SLC38A8: variants seen among roughly 807,000 people sequenced by gnomAD.
SLC38A8 encodes the protein solute carrier family 38 member 8, also known as amino acid transporter SLC38A8.
A neutral mutation model predicts 46.0 loss-of-function variants in SLC38A8; 65 were observed. That is an observed-to-expected ratio of 1.41 (90% CI 1.16 to 1.74). SLC38A8 has a LOEUF of 1.74. SLC38A8 is among the 40% of genes most tolerant of loss of function. The probability of loss-of-function intolerance (pLI) is 0.00; values close to 1 mark genes in which losing one functional copy is unlikely to be tolerated. For missense variants in SLC38A8, 998 were observed against 567.9 expected (o/e 1.76, Z -7.70); for synonymous variants, 447 against 243.7 (o/e 1.83, Z -7.77).
intron 5 of SLC38A8, among the ~76,000 whole-genome samples, chr16:84,030,386 T>A (rs2085223680): frequency 6.6e-6 from 1 of 151,970 alleles, no homozygotes; most frequent in African/African-American, 2.4e-5. Flanking sequence ...TGTGCTAGAG[T>A]ACCACCGGCT....
intron 4 of SLC38A8, 32 bp downstream of exon 4, chr16:84,033,296 G>A (rs1597273548): frequency 1.9e-6 from 3 of 1,613,496 alleles, no homozygotes; most frequent in Non-Finnish European, 1.7e-6. Context: ...AGCAAGGTGG[G>A]GGCCCCCACC....
intron 10 of SLC38A8, among the ~76,000 whole-genome samples, chr16:84,012,166 A>C (rs1378242606): frequency 6.6e-6 from 1 of 152,196 alleles, no homozygotes; most frequent in African/African-American, 2.4e-5. Flanking sequence ...TAAAACTAAT[A>C]CATCATCTCT....
chr16:84,037,620 G>C (rs1043501678), intron 2 of SLC38A8, among the ~76,000 whole-genome samples: 1 of 151,996 alleles, frequency 6.6e-6, no homozygotes, highest in Non-Finnish European at 1.5e-5. Context: ...AATTAGCCAA[G>C]CATGGTGGCA....
At chr16:84,011,282 C>G (rs1338780321) in intron 10 of SLC38A8, among the ~76,000 whole-genome samples, 2 of 152,162 alleles carry the variant, frequency 1.3e-5, no homozygotes, top group African/African-American at 4.8e-5. Context: ...CTGTTGTGAG[C>G]TCAGATCAAG....
chr16:84,035,033 T>A (rs979238086), intron 3 of SLC38A8, among the ~76,000 whole-genome samples: 1 of 152,160 alleles, frequency 6.6e-6, no homozygotes, highest in Admixed American at 6.5e-5. Context: ...CAGAGAGGCA[T>A]CCCCAAATAT....
intron 3 of SLC38A8, among the ~76,000 whole-genome samples, chr16:84,035,132 A>G (rs2085287095): frequency 6.6e-6 from 1 of 152,204 alleles, no homozygotes; most frequent in Non-Finnish European, 1.5e-5. Flanking sequence ...TCCTCTGACT[A>G]GTCAGGGGGC....
chr16:84,039,515 C>T lies in SLC38A8; in HGVS notation c.189+2454G>A, dbSNP rs547624665. ...ATCCCAGCACTTTGGGAGGCCAAGG[C>T]GGGTGGATCACCTGAGGTCAGGAGA... On this transcript the variant is annotated intron_variant, in intron 2 of 10. Coordinates refer to ENST00000299709, the MANE Select transcript of SLC38A8 (RefSeq NM_001080442.3). 2.6e-5 allele frequency among the ~76,000 whole-genome samples: 4 copies of T among 152,010 alleles called. No homozygotes were observed. The South Asian group carries it at 6.2e-4, about 24-fold the overall frequency.
rs13334006 is a variant in SLC38A8, at chr16:84,016,613, G to A, written c.1068C>T (p.Thr356=). 16,089 of 1,613,892 alleles carry A rather than the reference G, an allele frequency of 1.0e-2. 1,377 individuals carry two copies. In the African/African-American group the frequency reaches 0.19, roughly 19 times the overall value. ...TAAACAGCGCCATGGCGAGCGTCAC[G>A]GTGACCCACAGGATGGTCAGCGGCA... ...VRMPLTILWV[T]VTLAMALFMP... Residue 356 remains threonine, a synonymous_variant, in exon 9 of 11, where the codon ACC becomes ACT. Transcript: ENST00000299709.
At chr16:84,025,259 C>T (rs531579737) in intron 6 of SLC38A8, among the ~76,000 whole-genome samples, 69 of 152,292 alleles carry the variant, frequency 4.5e-4, no homozygotes, top group African/African-American at 1.4e-3. Context: ...CAAAACCAAA[C>T]GTGCCAAGGC....
In SLC38A8 at chr16:84,036,859, G is replaced by C. The variant is rs749117409; in HGVS notation, c.231C>G (p.Gly77=). ...CCTGGCCACTGACAGCAGCAGCATA[G>C]CCCAGGATGACCAGCCCGCTGATCA... is the stretch of plus-strand genomic sequence containing the variant. ...VFLISGLVIL[G]YAAAVSGQAT... Residue 77 remains glycine, a synonymous_variant, in exon 3 of 11, where the codon GGC becomes GGG. Coordinates refer to ENST00000299709, the MANE Select transcript of SLC38A8 (RefSeq NM_001080442.3). The C allele has an allele frequency of 1.1e-5, 18 of 1,613,376 alleles. No individual in the cohort carries two copies. The Admixed American group carries it at 2.2e-4, about 19-fold the overall frequency.
intron 9 of SLC38A8, 33 bp from the exon 10 acceptor site, chr16:84,013,085 C>T (rs537507964): frequency 7.4e-6 from 12 of 1,613,328 alleles, no homozygotes; most frequent in South Asian, 6.6e-5. Context: ...CACAGTTCTT[C>T]GTTATCAAAC....
At chr16:84,022,479 G>A (rs1349843664) in intron 7 of SLC38A8, among the ~76,000 whole-genome samples, 1 of 152,200 alleles carries the variant, frequency 6.6e-6, no homozygotes, top group Non-Finnish European at 1.5e-5. Context: ...AGGCAGCAGG[G>A]CTGGGGTGTG....
At position 84,031,979 on chromosome 16, in the gene SLC38A8, G is replaced by C. The variant is rs1407954236; in HGVS notation, c.531-11C>G. 3 of 1,612,272 alleles carry C rather than the reference G, an allele frequency of 1.9e-6. No individual in the cohort carries two copies. The African/African-American group carries it at 4.0e-5, about 22-fold the overall frequency. On this transcript the variant is annotated splice_polypyrimidine_tract_variant and intron_variant, in intron 4 of 10. Coordinates refer to ENST00000299709, the MANE Select transcript of SLC38A8 (RefSeq NM_001080442.3). ...AGAGTGCCTAGGATGCTAACACAGT[G>C]ACCGTGTGAGGGGCTGCGCAGTGGG...
intron 7 of SLC38A8, among the ~76,000 whole-genome samples, chr16:84,021,116 G>A (rs983096856): frequency 2.0e-5 from 3 of 152,116 alleles, no homozygotes; most frequent in African/African-American, 4.8e-5. Flanking sequence ...AGGCTGGAGT[G>A]CAATGGTGCG....
intron 7 of SLC38A8, among the ~76,000 whole-genome samples, chr16:84,020,869 G>A (rs540769592): frequency 7.2e-5 from 11 of 152,252 alleles, no homozygotes; most frequent in East Asian, 3.9e-4. Context: ...TCCTATACGC[G>A]CTGCACTCTA....
At chr16:84,014,849 T>C (rs749671751) in intron 9 of SLC38A8, among the ~76,000 whole-genome samples, 2 of 152,174 alleles carry the variant, frequency 1.3e-5, no homozygotes, top group African/African-American at 2.4e-5. Context: ...CCAACATTTC[T>C]CTGTGGCCCT....
intron 7 of SLC38A8, among the ~76,000 whole-genome samples, chr16:84,018,102 G>A (rs1373354347): frequency 1.3e-5 from 2 of 152,074 alleles, no homozygotes; most frequent in African/African-American, 2.4e-5. Context: ...CAGTTATGAA[G>A]GCTGAGAAGT....
chr16:84,020,057 A>C (rs1417930960), intron 7 of SLC38A8, among the ~76,000 whole-genome samples: 1 of 152,124 alleles, frequency 6.6e-6, no homozygotes, highest in Non-Finnish European at 1.5e-5. Context: ...TCCCAGTGGC[A>C]GTCCCACTCT....
intron 7 of SLC38A8, among the ~76,000 whole-genome samples, chr16:84,020,106 G>A (rs1335862159): frequency 1.3e-5 from 2 of 151,700 alleles, no homozygotes; most frequent in Non-Finnish European, 2.9e-5. Flanking sequence ...GAGACTCTCT[G>A]CAGTTGGACC....
Sources: allele counts gnomAD v4.1 joint callset (sites outside exome capture counted in the v4.1 genomes callset), GRCh38; gene constraint gnomAD v4.1.1; transcripts MANE v1.5; gene names NCBI Gene and HGNC (gene_info 2026-07-23, HGNC 2026-07-21).